The following ECE1 variants were observed in gnomAD, a reference collection of about 807,000 sequenced individuals.
ECE1 encodes endothelin converting enzyme 1.
A neutral mutation model predicts 98.6 loss-of-function variants in ECE1; 35 were observed. The observed-to-expected ratio is 0.35, with a 90% CI of 0.27 to 0.47. ECE1 has a LOEUF of 0.47. Among genes scored for constraint, ECE1 ranks in the 20% least tolerant of loss-of-function variants. ECE1 has a pLI of 1.00. For missense variants in ECE1, 814 were observed against 1,025.3 expected (o/e 0.79, Z 2.81); for synonymous variants, 394 against 407.1 (o/e 0.97, Z 0.39).
rs1372893711 is a variant in ECE1, at chr1:21,220,191, GC to G, written c.2137-61del. 3 of 1,555,678 alleles carry G rather than the reference GC, an allele frequency of 1.9e-6. No individual in the cohort carries two copies. The highest frequency in any genetic ancestry group is 2.3e-5 in the East Asian group (1 of 44,154). On this transcript the variant is annotated intron_variant, in intron 18 of 18. Transcript: ENST00000374893. This position sits in a 1 kb window ranked among gnomAD's most constrained non-coding sequence, Gnocchi z 5.0. ...TGTGGGGCCCTCGGGCTGCCAGACT[GC>G]CCCCATTATAACAGCAGGGGAGGCC...
chr1:21,306,191 A>C (rs963786742), intron 1 of ECE1, among the ~76,000 whole-genome samples: 1 of 152,262 alleles, frequency 6.6e-6, no homozygotes, highest in Non-Finnish European at 1.5e-5. Context: ...AAACAAAACA[A>C]AGCGTTTGCT....
At chr1:21,287,622 T>C (rs550217918) in intron 2 of ECE1, among the ~76,000 whole-genome samples, 58 of 152,266 alleles carry the variant, frequency 3.8e-4, no homozygotes, top group Admixed American at 3.4e-3. Context: ...TAAAAATGGG[T>C]CACCCACAGA....
At chr1:21,299,033 A>G (rs1324418244) in intron 1 of ECE1, 4 of 371,390 alleles carry the variant, frequency 1.1e-5, no homozygotes, top group Non-Finnish European at 2.2e-5. Flanking sequence ...GGAAGTCCCA[A>G]TCTGAAGAGA....
At chr1:21,294,131 A>C (rs1390075979), upstream of ECE1, 1 of 152,560 alleles carries the variant, frequency 6.6e-6, no homozygotes, top group Admixed American at 6.5e-5. This position sits in a 1 kb window ranked among gnomAD's most constrained non-coding sequence, Gnocchi z 4.2. Context: ...GCGGCGAGAA[A>C]GTGGTAGAGC....
intron 1 of ECE1, among the ~76,000 whole-genome samples, chr1:21,302,475 G>T (rs1282195806): frequency 6.6e-6 from 1 of 152,200 alleles, no homozygotes. Flanking sequence ...AGGAAAATCC[G>T]TTAATAATGG....
At chr1:21,272,527 A>G (rs1006785364) in intron 4 of ECE1, among the ~76,000 whole-genome samples, 172 bp downstream of exon 4, 2 of 152,192 alleles carry the variant, frequency 1.3e-5, no homozygotes, top group African/African-American at 4.8e-5. Flanking sequence ...CCTGGCCTCA[A>G]GTGATCCACC....
At chr1:21,278,867 C>T (rs867765752) in intron 3 of ECE1, among the ~76,000 whole-genome samples, 3 of 152,152 alleles carry the variant, frequency 2.0e-5, no homozygotes, top group Non-Finnish European at 2.9e-5. Context: ...ATCTCTAGTC[C>T]GCAGACCCAT....
chr1:21,283,632 C>T (rs142311960), intron 2 of ECE1, among the ~76,000 whole-genome samples: 1 of 152,090 alleles, frequency 6.6e-6, no homozygotes, highest in Non-Finnish European at 1.5e-5. Context: ...CCCAGGAAGT[C>T]GGGGCATGAA....
At position 21,228,968 on chromosome 1, in the gene ECE1, T is replaced by A. The variant is rs1214496285; in HGVS notation, c.1671-927A>T. Among the ~76,000 whole-genome samples, 17 of 151,260 alleles carry A rather than the reference T, an allele frequency of 1.1e-4. 1 individual carries two copies. The South Asian group carries it at 3.6e-3, about 32-fold the overall frequency. On this transcript the variant is annotated intron_variant, in intron 14 of 18. Transcript: ENST00000374893. ...GCCATTCTCCTGCCTCAGCCTCCCG[T>A]GTAGCTGGGACTACAGGCGCCCACC...
chr1:21,251,996 G>T (rs1175185856), intron 8 of ECE1, among the ~76,000 whole-genome samples: 1 of 152,152 alleles, frequency 6.6e-6, no homozygotes, highest in Non-Finnish European at 1.5e-5. Flanking sequence ...CTCAAATAGG[G>T]TTCCACCATT....
intron 5 of ECE1, among the ~76,000 whole-genome samples, chr1:21,259,542 T>A (rs1347232772): frequency 6.6e-6 from 1 of 152,016 alleles, no homozygotes; most frequent in Non-Finnish European, 1.5e-5. Flanking sequence ...GTTGGGATTT[T>A]AAAAAATCTC....
intron 3 of ECE1, among the ~76,000 whole-genome samples, chr1:21,273,747 T>A (rs1256361987): frequency 6.6e-6 from 1 of 152,048 alleles, no homozygotes; most frequent in Non-Finnish European, 1.5e-5. Flanking sequence ...CACAGCTACT[T>A]GGGAGGCAGA....
At chr1:21,247,013 GAA>G (rs1558383919) in intron 9 of ECE1, among the ~76,000 whole-genome samples, 1 of 152,196 alleles carries the variant, frequency 6.6e-6, no homozygotes, top group Admixed American at 6.5e-5. Context: ...GAAAGGTTAC[GAA>G]ATTTGCCCAA....
chr1:21,339,188 A>G (rs893683575), intron 1 of ECE1, among the ~76,000 whole-genome samples: 2 of 152,178 alleles, frequency 1.3e-5, no homozygotes, highest in African/African-American at 4.8e-5. Flanking sequence ...TAGTTCTGCT[A>G]CTGATTGGCA....
chr1:21,231,566 T>C (rs554795015), intron 14 of ECE1, among the ~76,000 whole-genome samples: 50 of 152,272 alleles, frequency 3.3e-4, no homozygotes, highest in Middle Eastern at 3.4e-3. Flanking sequence ...GGTCTTGAAC[T>C]CCTGACCTCA....
intron 1 of ECE1, among the ~76,000 whole-genome samples, chr1:21,333,242 T>G (rs1639240419): frequency 6.6e-6 from 1 of 151,660 alleles, no homozygotes; most frequent in Non-Finnish European, 1.5e-5. Flanking sequence ...AGCTGCCCAG[T>G]TTTTCACCCG....
At chr1:21,292,310 A>C (rs213047), upstream of ECE1, among the ~76,000 whole-genome samples, 65,373 of 148,818 alleles carry the variant, frequency 0.44, 18,100 homozygotes, top group African/African-American at 0.8. Context: ...CCCCTCCCCC[A>C]CCAACCTCCT....
At chr1:21,297,530 C>CTTTTTTTTTTTTT (rs768958507) in intron 1 of ECE1, among the ~76,000 whole-genome samples, 13 of 116,174 alleles carry the variant, frequency 1.1e-4, no homozygotes, top group East Asian at 2.5e-4. Context: ...TTTTCTTTTT[C>CTTTTTTTTTTTTT]TTTTTTTTTT....
chr1:21,290,057 G>A lies in ECE1; in HGVS notation c.138+13C>T, dbSNP rs2098264966. The A allele has an allele frequency of 2.1e-6, 3 of 1,459,448 alleles. No individual in the cohort carries two copies. Among genetic ancestry groups the A allele is most frequent in the Non-Finnish European group, 9.1e-7 (1 of 1,097,334 alleles). 90.4% of individuals were successfully genotyped at this position (1,459,448 alleles called of 1,614,324 possible). The stretch of plus-strand genomic sequence containing the variant: ...GGGCGCCTGGACCTCGGGAGGGAGC[G>A]GAGGGCGCCTACCTGCAGGCCGTTG... On this transcript the variant is annotated intron_variant, in intron 2 of 18. Transcript: ENST00000374893. This position sits in a 1 kb window ranked among gnomAD's most constrained non-coding sequence, Gnocchi z 7.3.
Sources: allele counts gnomAD v4.1 joint callset (sites outside exome capture counted in the v4.1 genomes callset), GRCh38; gene constraint gnomAD v4.1.1; non-coding constraint Gnocchi (gnomAD v3.1); transcripts MANE v1.5; gene names NCBI Gene and HGNC (gene_info 2026-07-23, HGNC 2026-07-21).